Variants in NCOA7 observed in about 807,000 individuals in gnomAD.
NCOA7 encodes 140 kDa estrogen receptor-associated protein.
NCOA7 carries 45 observed loss-of-function variants against 104.3 expected under a neutral mutation model. The observed-to-expected ratio is 0.43, with a 90% CI of 0.34 to 0.55. The LOEUF (loss-of-function observed/expected upper bound fraction) is 0.55, where lower values mean the gene tolerates loss of function less well. Ranked by LOEUF, NCOA7 falls within the 20% of genes least tolerant of loss-of-function variation. NCOA7 has a pLI of 0.02. For missense variants in NCOA7, 1,041 were observed against 1,119.7 expected (o/e 0.93, Z 1.00); for synonymous variants, 398 against 402.3 (o/e 0.99, Z 0.13).
At chr6:125,816,315 T>G (rs1429595495) in intron 2 of NCOA7, among the ~76,000 whole-genome samples, 1 of 152,244 alleles carries the variant, frequency 6.6e-6, no homozygotes, top group Non-Finnish European at 1.5e-5. Flanking sequence ...AGTGTTTTAC[T>G]TATTATTTTA....
chr6:125,930,486 G>A lies in NCOA7; in HGVS notation c.*1715G>A, dbSNP rs894708400. 1 of 152,528 alleles carries A rather than the reference G, an allele frequency of 6.6e-6. No individual in the cohort carries two copies. Among genetic ancestry groups the A allele is most frequent in the Admixed American group, 6.5e-5 (1 of 15,270 alleles). The allele number at this position is 152,528 out of a possible 1,614,324, so 9.4% of individuals were successfully genotyped here. On this transcript the variant is annotated 3_prime_UTR_variant, in exon 16 of 16. Transcript: ENST00000392477. ...AAATAATAACCAAAGCTGAAAAATGGTCTGTCATAAATTATTTCCCCGGTA... is the reference window on the plus strand; with the variant it reads ...AAATAATAACCAAAGCTGAAAAATGATCTGTCATAAATTATTTCCCCGGTA...
intron 1 of NCOA7, among the ~76,000 whole-genome samples, chr6:125,805,178 C>T (rs1208683161): frequency 6.7e-6 from 1 of 149,026 alleles, no homozygotes; most frequent in African/African-American, 2.5e-5. Context: ...TCATTGCAAC[C>T]TGTGCTTCCC....
chr6:125,887,435 G>A (rs980983549), intron 8 of NCOA7, among the ~76,000 whole-genome samples: 17 of 152,208 alleles, frequency 1.1e-4, no homozygotes, highest in African/African-American at 4.1e-4. Context: ...AGTTCCTGCA[G>A]AACAGAGATT....
intron 2 of NCOA7, among the ~76,000 whole-genome samples, chr6:125,851,850 T>C (rs72969762): frequency 0.063 from 9,604 of 152,234 alleles, 405 homozygotes; most frequent in Non-Finnish European, 0.095. Flanking sequence ...ATTCGTGATA[T>C]AGAGCATTTT....
chr6:125,844,934 A>G (rs1780472908), intron 2 of NCOA7, among the ~76,000 whole-genome samples: 1 of 152,216 alleles, frequency 6.6e-6, no homozygotes, highest in Admixed American at 6.6e-5. Context: ...GTTTAATAGT[A>G]AAGTAAGCTT....
At chr6:125,848,898 C>T (rs1780866201) in intron 2 of NCOA7, among the ~76,000 whole-genome samples, 1 of 152,146 alleles carries the variant, frequency 6.6e-6, no homozygotes, top group African/African-American at 2.4e-5. Flanking sequence ...TGCTGCTAAT[C>T]AGAGAAAGCT....
chr6:125,788,508 T>G (rs764256775), upstream of NCOA7, among the ~76,000 whole-genome samples: 1 of 152,076 alleles, frequency 6.6e-6, no homozygotes, highest in African/African-American at 2.4e-5. Flanking sequence ...TAAAGATGGA[T>G]TCTTACATTC....
chr6:125,927,863 C>T, intron 14 of NCOA7, 105 bp downstream of exon 14: 1 of 971,024 alleles, frequency 1.0e-6, no homozygotes, highest in Non-Finnish European at 1.7e-6. Context: ...TTCTCCTGAA[C>T]TGACTCCGGG....
intron 2 of NCOA7, among the ~76,000 whole-genome samples, chr6:125,826,046 C>T (rs555746468): frequency 6.6e-6 from 1 of 152,244 alleles, no homozygotes; most frequent in African/African-American, 2.4e-5. Flanking sequence ...ATTATTTTGG[C>T]TGAGCGCAGT....
At position 125,815,297 on chromosome 6, in the gene NCOA7, G is replaced by T; in HGVS notation, c.-58G>T. 3.0e-6 allele frequency: 4 copies of T among 1,328,420 alleles called. No homozygotes were observed. Among genetic ancestry groups the T allele is most frequent in the South Asian group, 2.6e-5 (2 of 76,122 alleles). The allele number at this position is 1,328,420 out of a possible 1,614,324, so 82.3% of individuals were successfully genotyped here. A position where few individuals can be genotyped will look rare whatever the true frequency, so the allele number is the denominator to read the frequency against. ...TTGTTATCTTTTCTTACAGGGTTAC[G>T]ACTCACTGATTAAAAAGAGGGACTT... On this transcript the variant is annotated 5_prime_UTR_variant, in exon 2 of 16. Transcript: ENST00000392477.
At position 125,889,897 on chromosome 6, in the gene NCOA7, G is replaced by GT. The variant is rs1784509032; in HGVS notation, c.1843_1844insT (p.Asp615ValfsTer11). 1.2e-6 allele frequency: 2 copies of GT among 1,606,674 alleles called. No individual in the cohort carries two copies. The highest frequency in any genetic ancestry group is 2.7e-5 in the African/African-American group (2 of 74,486). On this transcript the variant is annotated frameshift_variant, in exon 9 of 16. Coordinates refer to ENST00000392477, the MANE Select transcript of NCOA7 (RefSeq NM_181782.5). LOFTEE classifies it high-confidence loss of function. ...AGACTCCTCTTTGGAATCTACTCTG[G>GT]ACAACAGCTGTCAAGGTGCACAAAT... is the stretch of plus-strand genomic sequence containing the variant.
At chr6:125,906,777 G>A (rs1292632497) in intron 10 of NCOA7, among the ~76,000 whole-genome samples, 1 of 152,184 alleles carries the variant, frequency 6.6e-6, no homozygotes, top group African/African-American at 2.4e-5. Context: ...TTCAGAGCTT[G>A]AGGTCTGTTT....
At chr6:125,928,393 C>A in intron 15 of NCOA7, 146 bp downstream of exon 15, 2 of 807,310 alleles carry the variant, frequency 2.5e-6, no homozygotes, top group Non-Finnish European at 3.9e-6. Flanking sequence ...GAGGCTAACA[C>A]AGAATGGCCT....
chr6:125,890,680 C>G lies in NCOA7; in HGVS notation c.1966C>G (p.Pro656Ala). The G allele has an allele frequency of 6.2e-7, 1 of 1,613,582 alleles. No homozygotes were observed. Among genetic ancestry groups the G allele is most frequent in the Non-Finnish European group, 8.5e-7 (1 of 1,179,798 alleles). The change falls in exon 10 of 16, where the codon CCC becomes GCC. Residue 656 changes from proline (P) to alanine (A), a missense_variant. Pro to Ala is a conservative substitution (Grantham distance 27, BLOSUM62 -1). This residue lies in a region of NCOA7 where 914 missense variants were observed against 942.7 expected (regional missense o/e 0.97). Coordinates refer to ENST00000392477, the MANE Select transcript of NCOA7 (RefSeq NM_181782.5). ...PSKEEKSKTPPMFLCIKVGKP... is the reference protein window; with the variant it reads ...PSKEEKSKTPAMFLCIKVGKP... ...AAAAGAAGAAAAAAGCAAGACCCCACCCATGTTCCTGTGCATCAAAGTGGG... is the reference window on the plus strand; with the variant it reads ...AAAAGAAGAAAAAAGCAAGACCCCAGCCATGTTCCTGTGCATCAAAGTGGG...
chr6:125,811,064 T>G (rs1776958288), intron 1 of NCOA7, among the ~76,000 whole-genome samples: 2 of 152,178 alleles, frequency 1.3e-5, no homozygotes, highest in African/African-American at 2.4e-5. Context: ...GACTGGAAAT[T>G]TAATAGAAAT....
intron 2 of NCOA7, among the ~76,000 whole-genome samples, chr6:125,828,445 G>C (rs1187450848): frequency 1.3e-5 from 2 of 152,228 alleles, no homozygotes; most frequent in African/African-American, 4.8e-5. Flanking sequence ...AGGGAGTGGA[G>C]ACCAAGCTTC....
chr6:125,841,345 G>T (rs567551571), intron 2 of NCOA7, among the ~76,000 whole-genome samples: 1 of 151,988 alleles, frequency 6.6e-6, no homozygotes, highest in Non-Finnish European at 1.5e-5. Context: ...ATTCTATGTG[G>T]GTTTGTAGTA....
intron 2 of NCOA7, among the ~76,000 whole-genome samples, chr6:125,822,600 A>C (rs1778287797): frequency 6.6e-6 from 1 of 152,108 alleles, no homozygotes; most frequent in Non-Finnish European, 1.5e-5. Context: ...TTTACATTGC[A>C]CTAAGTATTA....
At chr6:125,814,791 T>G (rs1228261441) in intron 1 of NCOA7, among the ~76,000 whole-genome samples, 1 of 152,158 alleles carries the variant, frequency 6.6e-6, no homozygotes. Flanking sequence ...TTTGCTCAAG[T>G]GGGATGTACT....
Sources: allele counts gnomAD v4.1 joint callset (sites outside exome capture counted in the v4.1 genomes callset), GRCh38; gene constraint gnomAD v4.1.1; regional missense constraint gnomAD v4.1.1; transcripts MANE v1.5; gene names NCBI Gene and HGNC (gene_info 2026-07-23, HGNC 2026-07-21).